Variants in ITFG2 observed in about 807,000 individuals in gnomAD.
ITFG2 encodes the protein KICSTOR complex protein ITFG2.
A neutral mutation model predicts 54.4 loss-of-function variants in ITFG2; 36 were observed. That is an observed-to-expected ratio of 0.66 (90% CI 0.51 to 0.87). The LOEUF is 0.87. Ranked by LOEUF, ITFG2 falls within the 40% of genes least tolerant of loss-of-function variation. The pLI is 0.00. For synonymous variants in ITFG2, 211 were observed against 225.4 expected, an observed-to-expected ratio of 0.94 and a Z score of 0.57; for missense variants, 524 against 576.7, an observed-to-expected ratio of 0.91 and a Z score of 0.94.
intron 2 of ITFG2, 96 bp from the exon 3 acceptor site, chr12:2,817,813 G>T (rs1230906219): frequency 5.2e-6 from 6 of 1,149,072 alleles, no homozygotes; most frequent in African/African-American, 1.6e-5. Flanking sequence ...GTGAGCGATG[G>T]TGATTAGAAA....
At chr12:2,837,518 T>C (rs2098031546) in intron 1 of ITFG2, among the ~76,000 whole-genome samples, 1 of 151,936 alleles carries the variant, frequency 6.6e-6, no homozygotes, top group African/African-American at 2.4e-5. Context: ...ACGCCTGTAA[T>C]CCCAACTACT....
rs2098104590 is a variant in ITFG2, at chr12:2,859,495, C to G, written n.621-39C>G. Reference sequence around the variant, plus strand: ...CACTCTTCCAAGGGAGGGCTCTCCACTTTGATGGGTCTCGCTAAGTGTGGC... The same window carrying G: ...CACTCTTCCAAGGGAGGGCTCTCCAGTTTGATGGGTCTCGCTAAGTGTGGC... On this transcript the variant is annotated intron_variant and non_coding_transcript_variant, in intron 3 of 3. Transcript: ENST00000537710. 6 of 1,614,026 alleles carry G rather than the reference C, an allele frequency of 3.7e-6. No individual in the cohort carries two copies. In the East Asian group the frequency reaches 1.1e-4, roughly 30 times the overall value.
intron 3 of ITFG2, chr12:2,858,743 G>A (rs759483249): frequency 2.5e-6 from 4 of 1,614,240 alleles, no homozygotes; most frequent in South Asian, 2.2e-5. Flanking sequence ...TGCTGAGGCT[G>A]TCATTCATTG....
intron 3 of ITFG2, chr12:2,858,872 G>T (rs113780841): frequency 1.2e-6 from 2 of 1,614,116 alleles, no homozygotes; most frequent in Non-Finnish European, 8.5e-7. Flanking sequence ...CAAAGGGGAC[G>T]GAGATGAGGT....
intron 1 of ITFG2, among the ~76,000 whole-genome samples, chr12:2,816,947 C>T (rs1273674081): frequency 7.9e-5 from 12 of 152,050 alleles, no homozygotes; most frequent in Admixed American, 7.9e-4. Flanking sequence ...CACCTGGCCT[C>T]ACCTGGCAAA....
intron 1 of ITFG2, among the ~76,000 whole-genome samples, chr12:2,815,352 T>C (rs958416678): frequency 6.6e-6 from 1 of 152,194 alleles, no homozygotes; most frequent in African/African-American, 2.4e-5. Context: ...GTTAACATCG[T>C]GAGCCCCTGT....
At chr12:2,853,680 G>T (rs959413684) in intron 2 of ITFG2, among the ~76,000 whole-genome samples, 2 of 152,072 alleles carry the variant, frequency 1.3e-5, no homozygotes, top group Non-Finnish European at 2.9e-5. Flanking sequence ...CTGCCCTTGG[G>T]ATTGGAATTT....
chr12:2,852,730 C>G (rs537280168), intron 2 of ITFG2, among the ~76,000 whole-genome samples: 2 of 152,164 alleles, frequency 1.3e-5, no homozygotes, highest in South Asian at 4.2e-4. Context: ...TGAGGCCGGG[C>G]ACGGTGGCTC....
chr12:2,818,111 G>C lies in ITFG2; in HGVS notation c.240G>C (p.Leu80=), dbSNP rs1350957905. The C allele has an allele frequency of 6.2e-7, 1 of 1,614,026 alleles. No individual in the cohort carries two copies. Among genetic ancestry groups the C allele is most frequent in the Non-Finnish European group, 8.5e-7 (1 of 1,179,922 alleles). ...VGDVCNKGKN[L]LVAVSAEGWF... is the part of the protein sequence containing the mutation. ...TATACCTCTGTTTGTCCTAGAACCT[G>C]TTGGTGGCAGTGAGTGCTGAAGGCT... The change falls in exon 4 of 12, where the codon CTG becomes CTC. Residue 80 remains leucine (L), a synonymous_variant. Transcript: ENST00000228799.
At chr12:2,843,839 C>A (rs1177464087) in intron 2 of ITFG2, among the ~76,000 whole-genome samples, 2 of 147,684 alleles carry the variant, frequency 1.4e-5, no homozygotes, top group Non-Finnish European at 3.0e-5. Flanking sequence ...AACTCTGTCC[C>A]TGTACTAGCT....
chr12:2,818,428 A>G, intron 4 of ITFG2, 151 bp downstream of exon 4: 1 of 1,464,818 alleles, frequency 6.8e-7, no homozygotes, highest in Non-Finnish European at 9.2e-7. Flanking sequence ...GCATCACTCA[A>G]GGCACTGGAA....
upstream of ITFG2, chr12:2,834,594 G>A: frequency 6.6e-7 from 1 of 1,526,050 alleles, no homozygotes; most frequent in Non-Finnish European, 8.8e-7. Flanking sequence ...TCTGGGAAGT[G>A]GAAGGAAAAG....
upstream of ITFG2, chr12:2,835,047 T>TGGAAAAACCCAGTCCTAGAAGAGAG (rs2098021955): frequency 8.2e-6 from 12 of 1,460,600 alleles, no homozygotes; most frequent in Non-Finnish European, 1.1e-5. Context: ...AGACTCCGGC[T>TGGAAAAACCCAGTCCTAGAAGAGAG]GGAAAAACCC....
chr12:2,849,650 A>T, intron 2 of ITFG2: 1 of 1,091,044 alleles, frequency 9.2e-7, no homozygotes, highest in Non-Finnish European at 1.3e-6. Flanking sequence ...GGCGGCAGGG[A>T]ATCCCTTCTG....
At chr12:2,817,694 G>A in intron 2 of ITFG2, 1 of 526,640 alleles carries the variant, frequency 1.9e-6, no homozygotes, top group Non-Finnish European at 3.3e-6. Context: ...AGTGCAGGTT[G>A]TCTTAACCGC....
upstream of ITFG2, chr12:2,835,150 A>G (rs2098022395): frequency 1.5e-6 from 2 of 1,331,142 alleles, no homozygotes; most frequent in Admixed American, 3.5e-5. Flanking sequence ...CGGGCGGTGG[A>G]TGGGGCGTAT....
At position 2,812,688 on chromosome 12, in the gene ITFG2, C is replaced by G; in HGVS notation, c.-73C>G. 2 of 1,339,168 alleles carry G rather than the reference C, an allele frequency of 1.5e-6. No individual in the cohort carries two copies. Among genetic ancestry groups the G allele is most frequent in the South Asian group, 2.4e-5 (2 of 84,368 alleles). 83.0% of individuals were successfully genotyped at this position (1,339,168 alleles called of 1,614,324 possible). A position where few individuals can be genotyped will look rare whatever the true frequency, so the allele number is the denominator to read the frequency against. The stretch of plus-strand genomic sequence containing the variant: ...TTGCTGCCTTAGGTGGCCTTCCGCT[C>G]TGGCGGCTGTCGCGACGGGGGTTCA... On this transcript the variant is annotated 5_prime_UTR_variant, in exon 1 of 12. Transcript: ENST00000228799.
intron 2 of ITFG2, chr12:2,854,977 T>A: frequency 6.5e-7 from 1 of 1,536,256 alleles, no homozygotes; most frequent in Non-Finnish European, 8.7e-7. Flanking sequence ...CTTGAGCTTC[T>A]CCACCTCCTT....
chr12:2,858,710 A>G (rs777403499), intron 3 of ITFG2: 2 of 1,614,196 alleles, frequency 1.2e-6, no homozygotes, highest in Admixed American at 3.3e-5. Context: ...CCAGGCCAGG[A>G]AAGCTGATGT....
Sources: allele counts gnomAD v4.1 joint callset (sites outside exome capture counted in the v4.1 genomes callset), GRCh38; gene constraint gnomAD v4.1.1; transcripts MANE v1.5; gene names NCBI Gene and HGNC (gene_info 2026-07-23, HGNC 2026-07-21).